The following GYPE variants were observed in gnomAD, a reference collection of about 807,000 sequenced individuals.
GYPE encodes glycophorin-E.
GYPE carries 8 observed loss-of-function variants against 11.6 expected under a neutral mutation model. The ratio of observed to expected loss-of-function variants is 0.69; its 90% CI spans 0.41 to 1.25. The LOEUF (loss-of-function observed/expected upper bound fraction) is 1.25, where lower values mean the gene tolerates loss of function less well. Among genes scored for constraint, GYPE ranks in the 50% most tolerant of loss-of-function variants. The pLI is 0.01. For synonymous variants in GYPE, 28 were observed against 29.6 expected (o/e 0.94, Z 0.18); for missense variants, 90 against 92.8 (o/e 0.97, Z 0.12).
intron 2 of GYPE, chr4:143,878,653 C>T (rs193277096): frequency 5.3e-5 from 26 of 488,836 alleles, no homozygotes; most frequent in East Asian, 1.2e-4. Context: ...TTCAGGGAAA[C>T]GATGGACAAG....
At chr4:143,897,226 G>T (rs1462736136) in intron 1 of GYPE, among the ~76,000 whole-genome samples, 1 of 152,206 alleles carries the variant, frequency 6.6e-6, no homozygotes, top group South Asian at 2.1e-4. Context: ...TGCTTTGGGA[G>T]GCCAAGGCAG....
intron 1 of GYPE, among the ~76,000 whole-genome samples, chr4:143,897,915 A>G (rs1744716376): frequency 6.6e-6 from 1 of 152,224 alleles, no homozygotes. Context: ...ACATGAAAGG[A>G]TAAGTGCAAA....
chr4:143,896,744 C>T (rs1744661346), intron 1 of GYPE, among the ~76,000 whole-genome samples: 1 of 152,144 alleles, frequency 6.6e-6, no homozygotes, highest in African/African-American at 2.4e-5. Context: ...ATAGCAGAGA[C>T]TTGGAACCAA....
intron 1 of GYPE, among the ~76,000 whole-genome samples, chr4:143,897,019 A>AG (rs1300494381): frequency 7.3e-6 from 1 of 136,756 alleles, no homozygotes; most frequent in Non-Finnish European, 1.6e-5. Context: ...GGGTGGGGGC[A>AG]GGGGGGAGGG....
At chr4:143,889,910 C>A (rs1319258948) in intron 1 of GYPE, among the ~76,000 whole-genome samples, 2 of 152,112 alleles carry the variant, frequency 1.3e-5, no homozygotes, top group African/African-American at 4.8e-5. Context: ...AGCCAAGTGG[C>A]AGAGCTGGAT....
At chr4:143,877,183 A>C (rs1743848761) in intron 2 of GYPE, among the ~76,000 whole-genome samples, 1 of 152,210 alleles carries the variant, frequency 6.6e-6, no homozygotes, top group African/African-American at 2.4e-5. Flanking sequence ...TTCTCCTCAG[A>C]TATGGGGAAA....
At chr4:143,872,887 G>A (rs1382570160) in intron 3 of GYPE, among the ~76,000 whole-genome samples, 17 of 147,184 alleles carry the variant, frequency 1.2e-4, no homozygotes, top group African/African-American at 2.3e-4. Context: ...GAGGGTTGAA[G>A]GGGGCAGGCC....
intron 1 of GYPE, among the ~76,000 whole-genome samples, chr4:143,904,378 G>A (rs1415437870): frequency 2.0e-5 from 3 of 152,078 alleles, no homozygotes; most frequent in African/African-American, 7.2e-5. Context: ...TATAAGGCAA[G>A]TGCCAACATT....
intron 1 of GYPE, among the ~76,000 whole-genome samples, chr4:143,895,800 A>G (rs2149914201): frequency 6.6e-6 from 1 of 152,080 alleles, no homozygotes; most frequent in African/African-American, 2.4e-5. Flanking sequence ...TACTGGTACC[A>G]AAACAGAGAT....
chr4:143,877,321 A>T (rs55676435), intron 2 of GYPE, among the ~76,000 whole-genome samples: 7 of 152,202 alleles, frequency 4.6e-5, no homozygotes, highest in Admixed American at 3.9e-4. Context: ...TTACAAATGA[A>T]GAAAAGAAGC....
At chr4:143,898,142 C>T (rs1429402054) in intron 1 of GYPE, among the ~76,000 whole-genome samples, 12 of 152,148 alleles carry the variant, frequency 7.9e-5, no homozygotes, top group African/African-American at 2.2e-4. Context: ...TTTGGGAGGC[C>T]GAGGCAGGTG....
In GYPE at chr4:143,870,944, C is replaced by T. The variant is rs1010487454; in HGVS notation, c.*1318G>A. On this transcript the variant is annotated 3_prime_UTR_variant, in exon 4 of 4. Coordinates refer to ENST00000358615, the MANE Select transcript of GYPE (RefSeq NM_198682.3). ...GGTCTCAGGATACTTACAATCATGA[C>T]CAAAGGGGAAACAAACACATCTTTC... 1 of 151,826 alleles carries T rather than the reference C, an allele frequency of 6.6e-6. No homozygotes were observed. The highest frequency in any genetic ancestry group is 1.5e-5 in the Non-Finnish European group (1 of 67,996). 9.4% of individuals were successfully genotyped at this position (151,826 alleles called of 1,614,324 possible). A position where few individuals can be genotyped will look rare whatever the true frequency, so the allele number is the denominator to read the frequency against.
At chr4:143,876,651 G>A in intron 3 of GYPE, 95 bp downstream of exon 3, 1 of 694,540 alleles carries the variant, frequency 1.4e-6, no homozygotes, top group South Asian at 1.6e-5. Flanking sequence ...ATGCAGTTCT[G>A]TTTCTCTTTT....
At chr4:143,904,015 T>C (rs1177368033) in intron 1 of GYPE, among the ~76,000 whole-genome samples, 4 of 152,142 alleles carry the variant, frequency 2.6e-5, no homozygotes, top group Admixed American at 6.5e-5. Flanking sequence ...AATATATGAA[T>C]ACATATACAA....
chr4:143,897,793 A>C (rs1744712333), intron 1 of GYPE, among the ~76,000 whole-genome samples: 1 of 151,994 alleles, frequency 6.6e-6, no homozygotes, highest in South Asian at 2.1e-4. Flanking sequence ...AGAAAGTCTA[A>C]GACTTTATAT....
At chr4:143,882,874 T>A (rs191114521) in intron 1 of GYPE, among the ~76,000 whole-genome samples, 2 of 152,338 alleles carry the variant, frequency 1.3e-5, no homozygotes, top group Non-Finnish European at 2.9e-5. Flanking sequence ...ATCCCATTAT[T>A]TTGAATTTTC....
Position 143,872,887 on chromosome 4 carries a change from G to GC in GYPE, c.*10-636_*10-635insG, listed in dbSNP as rs968578611. ...CAGGAGAGAGTGGGAGAGGGTTGAA[G>GC]GGGGCAGGCCAGGTGAGCTGAGCAT... On this transcript the variant is annotated intron_variant, in intron 3 of 3. Transcript: ENST00000358615. Among the ~76,000 whole-genome samples, 40 of 147,184 alleles carry GC rather than the reference G, an allele frequency of 2.7e-4. No individual in the cohort carries two copies. The East Asian group carries it at 4.5e-3, about 16-fold the overall frequency.
intron 1 of GYPE, among the ~76,000 whole-genome samples, chr4:143,902,056 C>T (rs1299835105): frequency 4.6e-5 from 7 of 151,968 alleles, no homozygotes; most frequent in African/African-American, 9.7e-5. Context: ...ATCTACTCGG[C>T]GCTTTATTGA....
intron 1 of GYPE, among the ~76,000 whole-genome samples, chr4:143,895,145 G>A (rs1281845282): frequency 1.3e-5 from 2 of 152,190 alleles, no homozygotes; most frequent in Admixed American, 6.5e-5. Flanking sequence ...AGTATTGGAA[G>A]TTCTGGCCAG....
Sources: gnomAD v4.1 joint callset for allele counts (sites outside exome capture counted in the v4.1 genomes callset) on GRCh38, gnomAD v4.1.1 for gene constraint, MANE v1.5 for transcripts, NCBI Gene and HGNC (gene_info 2026-07-23, HGNC 2026-07-21) for gene names.